ZNF808: variants seen among roughly 807,000 people sequenced by gnomAD.
ZNF808 encodes zinc finger protein 808.
Under a neutral mutation model 8.7 loss-of-function variants are expected in ZNF808, and 5 were observed. The ratio of observed to expected loss-of-function variants is 0.58; its 90% confidence interval spans 0.30 to 1.21. The LOEUF (loss-of-function observed/expected upper bound fraction) is 1.21, where lower values mean the gene tolerates loss of function less well. Among genes scored for constraint, ZNF808 ranks in the 50% most tolerant of loss-of-function variants. ZNF808 has a pLI of 0.07. For missense variants in ZNF808, 1,103 were observed against 1,098.4 expected, an observed-to-expected ratio of 1.00 and a Z score of -0.06; for synonymous variants, 380 against 366.0, an observed-to-expected ratio of 1.04 and a Z score of -0.44.
At position 52,555,037 on chromosome 19, in the gene ZNF808, C is replaced by A; in HGVS notation, c.2121C>A (p.Tyr707Ter). ...GAATTCACAGTGGAATGAAACCTTA[C>A]AAGTGTAATGAGTGCAGCAAGACCT... Reference protein sequence around the residue: ...HTRIHSGMKPYKCNECSKTFS... With the variant: ...HTRIHSGMKP The change falls in exon 5 of 5, where the codon TAC (tyrosine) becomes TAA (stop). Residue 707 changes from tyrosine to a stop codon, truncating the protein, a stop_gained. Transcript: ENST00000359798. LOFTEE classifies it low-confidence loss of function (END_TRUNC). The A allele has an allele frequency of 1.9e-6, 3 of 1,613,908 alleles. No homozygotes were observed. The highest frequency in any genetic ancestry group is 1.3e-5 in the African/African-American group (1 of 74,920).
chr19:52,536,925 G>C (rs539245585), intron 2 of ZNF808, among the ~76,000 whole-genome samples: 1 of 152,166 alleles, frequency 6.6e-6, no homozygotes, highest in Non-Finnish European at 1.5e-5. Flanking sequence ...TTTGGCTCAT[G>C]CCTGTAATCC....
chr19:52,540,319 T>G (rs1225601747), intron 2 of ZNF808, among the ~76,000 whole-genome samples: 1 of 152,214 alleles, frequency 6.6e-6, no homozygotes, highest in Admixed American at 6.5e-5. Context: ...CTCATTGTTT[T>G]CAAAGTATGA....
chr19:52,535,385 C>A (rs73586734), intron 2 of ZNF808, among the ~76,000 whole-genome samples: 3,896 of 147,958 alleles, frequency 0.026, 162 homozygotes, highest in African/African-American at 0.092. Flanking sequence ...GAGGGAGAGA[C>A]GAGGGAGGGA....
chr19:52,539,545 GTGGT>G (rs1468535651), intron 2 of ZNF808, among the ~76,000 whole-genome samples: 1 of 84,286 alleles, frequency 1.2e-5, no homozygotes, highest in East Asian at 6.5e-4. Context: ...TTTTGTTGTG[GTGGT>G]TTTTTTTTTT....
chr19:52,535,654 A>C (rs940277116), intron 2 of ZNF808, among the ~76,000 whole-genome samples: 12 of 152,332 alleles, frequency 7.9e-5, no homozygotes, highest in Middle Eastern at 6.8e-3. Flanking sequence ...TGAATGGAGA[A>C]TAGAAAGGGG....
Position 52,554,001 on chromosome 19 carries a change from A to G in ZNF808, c.1085A>G (p.Gln362Arg). ...FNQQSHLSRHQRLHTGVKPYK... is the reference protein window; with the variant it reads ...FNQQSHLSRHRRLHTGVKPYK... ...CAACAATCACACCTTTCACGCCATC[A>G]AAGACTTCATACTGGAGTGAAACCT... The change falls in exon 5 of 5, where the codon CAA (glutamine) becomes CGA (arginine). Residue 362 changes from glutamine to arginine, a missense_variant. Coordinates refer to ENST00000359798, the MANE Select transcript of ZNF808 (RefSeq NM_001039886.4). The G allele has an allele frequency of 3.7e-6, 6 of 1,614,122 alleles. No individual in the cohort carries two copies. Among genetic ancestry groups the G allele is most frequent in the South Asian group, 1.1e-5 (1 of 91,078 alleles).
intron 4 of ZNF808, among the ~76,000 whole-genome samples, chr19:52,549,613 A>G (rs1336803449): frequency 1.3e-5 from 2 of 151,954 alleles, no homozygotes; most frequent in Non-Finnish European, 2.9e-5. Context: ...CAAGCTCAAG[A>G]TTTGGTCTAT....
chr19:52,529,911 A>ATATT (rs1449062502), intron 1 of ZNF808, among the ~76,000 whole-genome samples: 7 of 81,920 alleles, frequency 8.5e-5, no homozygotes, highest in East Asian at 1.1e-3. Flanking sequence ...ATATATATAT[A>ATATT]TTTTTTTTTT....
chr19:52,541,141 G>C (rs1037113133), intron 2 of ZNF808, among the ~76,000 whole-genome samples: 6 of 151,826 alleles, frequency 4.0e-5, no homozygotes, highest in African/African-American at 1.5e-4. Context: ...TAGTAGAGAC[G>C]GGATGTCACC....
At chr19:52,535,893 G>T (rs1365372129) in intron 2 of ZNF808, 3 of 152,082 alleles carry the variant, frequency 2.0e-5, no homozygotes, top group South Asian at 2.1e-4. Context: ...GCCCTCTGTC[G>T]GTTCTAAAGG....
downstream of ZNF808, among the ~76,000 whole-genome samples, chr19:52,558,265 G>T (rs1027381467): frequency 6.6e-6 from 1 of 150,486 alleles, no homozygotes; most frequent in African/African-American, 2.4e-5. Flanking sequence ...TAGTAGAGGC[G>T]GGGTTTCACC....
rs1018105946 is a variant in ZNF808, at chr19:52,543,435, G to A, written c.63+88G>A. The A allele has an allele frequency of 3.2e-4, 488 of 1,512,576 alleles. 1 individual carries two copies. Among genetic ancestry groups the A allele is most frequent in the Non-Finnish European group, 3.9e-4 (437 of 1,129,358 alleles). 93.7% of individuals were successfully genotyped at this position (1,512,576 alleles called of 1,614,324 possible). ...TATTGTATTGTAGTAATGTATTGTA[G>A]CAGCCAGTCTTTTCTGAGTCTGAAG... On this transcript the variant is annotated intron_variant, in intron 3 of 4. Transcript: ENST00000359798.
chr19:52,543,178 A>G lies in ZNF808; in HGVS notation c.-19-88A>G. 2.9e-6 allele frequency: 4 copies of G among 1,387,106 alleles called. No individual in the cohort carries two copies. In the Middle Eastern group the frequency reaches 5.5e-4, roughly 191 times the overall value. 85.9% of individuals were successfully genotyped at this position (1,387,106 alleles called of 1,614,324 possible). ...TGGGCAGTGGGGGACTTCTTTCTAC[A>G]GGGTGACATCTCCCGGTTCATGTGG... On this transcript the variant is annotated intron_variant, in intron 2 of 4. Coordinates refer to ENST00000359798, the MANE Select transcript of ZNF808 (RefSeq NM_001039886.4).
At position 52,553,291 on chromosome 19, in the gene ZNF808, T is replaced by C. The variant is rs555685502; in HGVS notation, c.375T>C (p.His125=). 1.2e-4 allele frequency: 189 copies of C among 1,613,700 alleles called. No individual in the cohort carries two copies. The South Asian group carries it at 1.5e-3, about 13-fold the overall frequency. The change falls in exon 5 of 5, where the codon CAT becomes CAC. Residue 125 remains histidine (H), a synonymous_variant. Transcript: ENST00000359798. ...GTCAAGAAGATGAAAGAAATGGCCA[T>C]GAAGCACCCACGACAAAAATAAAAA... ...FQCQEDERNG[H]EAPTTKIKKL... is the part of the protein sequence containing the mutation.
In ZNF808 at chr19:52,554,869, C is replaced by T. The variant is rs776454918; in HGVS notation, c.1953C>T (p.Tyr651=). ...GAATTCACACTGGAGAAAAAACTTA[C>T]AAGTGTAATGAGTGTGGGAAGACCT... The part of the protein sequence containing the change: ...HTRIHTGEKT[Y]KCNECGKTFS... The change falls in exon 5 of 5, where the codon TAC becomes TAT. Residue 651 remains tyrosine (Y), a synonymous_variant. Transcript: ENST00000359798. 3 of 1,614,068 alleles carry T rather than the reference C, an allele frequency of 1.9e-6. No individual in the cohort carries two copies. The African/African-American group carries it at 4.0e-5, about 22-fold the overall frequency.
downstream of ZNF808, among the ~76,000 whole-genome samples, chr19:52,561,190 CTCTCTCTCTCTCTCTCTCTCTCTA>C (rs1162561321): frequency 3.7e-3 from 257 of 69,142 alleles, 2 homozygotes; most frequent in African/African-American, 0.011. Flanking sequence ...CTCTCTCTCT[CTCTCTCTCTCTCTCTCTCTCTCTA>C]TATATATATA....
chr19:52,565,534 T>G (rs570444812), downstream of ZNF808, among the ~76,000 whole-genome samples: 1 of 152,186 alleles, frequency 6.6e-6, no homozygotes, highest in Non-Finnish European at 1.5e-5. Flanking sequence ...CAATGTAAAC[T>G]GAGAGCTTAT....
chr19:52,528,553 G>A (rs2059531722), intron 1 of ZNF808, among the ~76,000 whole-genome samples: 1 of 152,200 alleles, frequency 6.6e-6, no homozygotes, highest in Non-Finnish European at 1.5e-5. Context: ...CTGGAGAAAT[G>A]TAGAGAAAAG....
At chr19:52,532,584 G>A (rs1298961674) in intron 1 of ZNF808, among the ~76,000 whole-genome samples, 2 of 152,096 alleles carry the variant, frequency 1.3e-5, no homozygotes. Flanking sequence ...TTTCATTGAT[G>A]TGACAGTGAT....
Sources: allele counts gnomAD v4.1 joint callset (sites outside exome capture counted in the v4.1 genomes callset), GRCh38; gene constraint gnomAD v4.1.1; transcripts MANE v1.5; gene names NCBI Gene and HGNC (gene_info 2026-07-23, HGNC 2026-07-21).